ADAMTSL3: variants seen among roughly 807,000 people sequenced by gnomAD.
ADAMTSL3 encodes ADAMTS like 3, also known as ADAMTS-like protein 3.
ADAMTSL3 carries 128 observed loss-of-function variants against 201.7 expected under a neutral mutation model. The observed-to-expected ratio is 0.63, with a 90% confidence interval of 0.55 to 0.73. ADAMTSL3 has a LOEUF of 0.73. Ranked by LOEUF, ADAMTSL3 falls within the 30% of genes least tolerant of loss-of-function variation. The pLI is 0.00. For synonymous variants in ADAMTSL3, 738 were observed against 748.4 expected (o/e 0.99, Z 0.23); for missense variants, 1,990 against 2,119.6 (o/e 0.94, Z 1.20).
At chr15:83,759,035 C>G (rs1181875533) in intron 3 of ADAMTSL3, among the ~76,000 whole-genome samples, 1 of 152,142 alleles carries the variant, frequency 6.6e-6, no homozygotes, top group African/African-American at 2.4e-5. Flanking sequence ...GTGGAGAAGG[C>G]AGACCTTTCC....
At chr15:83,711,915 G>A (rs1302808176) in intron 3 of ADAMTSL3, among the ~76,000 whole-genome samples, 1 of 148,800 alleles carries the variant, frequency 6.7e-6, no homozygotes, top group East Asian at 2.1e-4. Context: ...CACCCTATGG[G>A]TTAAGGGGTG....
chr15:84,001,645 C>T (rs1172438852), intron 23 of ADAMTSL3, among the ~76,000 whole-genome samples: 1 of 152,194 alleles, frequency 6.6e-6, no homozygotes, highest in African/African-American at 2.4e-5. Context: ...AGGTGTGAGG[C>T]AGAACCTAGG....
intron 7 of ADAMTSL3, among the ~76,000 whole-genome samples, chr15:83,844,339 T>A (rs953353754): frequency 6.6e-6 from 1 of 152,106 alleles, no homozygotes; most frequent in African/African-American, 2.4e-5. Context: ...TTCTTAAGAT[T>A]TTTTCCCTTC....
In ADAMTSL3 at chr15:83,804,642, TCC is replaced by T; in HGVS notation, c.318-7_318-6del. On this transcript the variant is annotated splice_polypyrimidine_tract_variant and splice_region_variant and intron_variant, in intron 4 of 29. Transcript: ENST00000286744. ...TATTTCTTCTTTCTTCTTTCTTTTTTCCTTTAGGAATTGTGAAGGGCAGAACA... is the reference window on the plus strand; with the variant it reads ...TATTTCTTCTTTCTTCTTTCTTTTTTTTTAGGAATTGTGAAGGGCAGAACA... 6.5e-7 allele frequency: 1 copy of T among 1,547,564 alleles called. No homozygotes were observed. The highest frequency in any genetic ancestry group is 8.8e-7 in the Non-Finnish European group (1 of 1,139,586).
At chr15:84,019,210 T>C (rs553872579) in intron 25 of ADAMTSL3, among the ~76,000 whole-genome samples, 116 of 152,154 alleles carry the variant, frequency 7.6e-4, no homozygotes, top group Admixed American at 2.0e-3. Flanking sequence ...TACAATTTCA[T>C]ACCCAGTAGG....
At chr15:83,767,636 C>T (rs2062915300) in intron 3 of ADAMTSL3, among the ~76,000 whole-genome samples, 1 of 152,176 alleles carries the variant, frequency 6.6e-6, no homozygotes, top group Non-Finnish European at 1.5e-5. Context: ...CATACCGCTT[C>T]TCTCAGGAGG....
chr15:83,698,741 C>T (rs1227966469), intron 2 of ADAMTSL3, among the ~76,000 whole-genome samples: 1 of 152,184 alleles, frequency 6.6e-6, no homozygotes, highest in Non-Finnish European at 1.5e-5. Context: ...GCCATTTCTC[C>T]TAAGGGAAGG....
chr15:83,831,461 A>C (rs2064155977), intron 6 of ADAMTSL3, among the ~76,000 whole-genome samples: 1 of 152,234 alleles, frequency 6.6e-6, no homozygotes, highest in East Asian at 1.9e-4. Flanking sequence ...TCAAGATCAG[A>C]GATACTTGGA....
chr15:83,986,232 G>T (rs949079526), intron 21 of ADAMTSL3, among the ~76,000 whole-genome samples: 22 of 152,170 alleles, frequency 1.4e-4, no homozygotes, highest in Admixed American at 1.2e-3. Context: ...TTTATAAATT[G>T]TAAGGAAAGA....
chr15:84,034,590 G>A (rs1218531157), intron 28 of ADAMTSL3, among the ~76,000 whole-genome samples: 1 of 152,164 alleles, frequency 6.6e-6, no homozygotes, highest in African/African-American at 2.4e-5. Flanking sequence ...TCTAACTTCT[G>A]AAATCAGAAT....
intron 11 of ADAMTSL3, 97 bp downstream of exon 11, chr15:83,890,344 C>G: frequency 6.8e-7 from 1 of 1,470,202 alleles, no homozygotes; most frequent in Non-Finnish European, 9.1e-7. Flanking sequence ...ATTTCCATTT[C>G]CTGGCTTTGT....
intron 10 of ADAMTSL3, among the ~76,000 whole-genome samples, chr15:83,889,499 A>G (rs2065462389): frequency 6.6e-6 from 1 of 152,246 alleles, no homozygotes; most frequent in Admixed American, 6.5e-5. Flanking sequence ...ATTATCATTT[A>G]TTAAGTTAAA....
intron 19 of ADAMTSL3, among the ~76,000 whole-genome samples, chr15:83,949,033 T>C (rs1272104809): frequency 6.6e-6 from 1 of 152,158 alleles, no homozygotes; most frequent in Non-Finnish European, 1.5e-5. Context: ...ATTATTTTAA[T>C]TATTTTAAAA....
In ADAMTSL3 at chr15:83,942,801, G is replaced by A. The variant is rs1363193154; in HGVS notation, c.2310+13G>A. 1 of 1,611,420 alleles carries A rather than the reference G, an allele frequency of 6.2e-7. No individual in the cohort carries two copies. Among genetic ancestry groups the A allele is most frequent in the Admixed American group, 1.7e-5 (1 of 59,704 alleles). On this transcript the variant is annotated intron_variant, in intron 18 of 29. Transcript: ENST00000286744. ...AGAATGGCAGCAGGTAGGGCAGACT[G>A]GCCACTCCAGGGCCCTCTGTGATTA...
chr15:83,774,311 G>A (rs1364744645), intron 4 of ADAMTSL3, among the ~76,000 whole-genome samples: 1 of 152,248 alleles, frequency 6.6e-6, no homozygotes, highest in African/African-American at 2.4e-5. Context: ...GTCATCTTCA[G>A]ATTTGGGATA....
chr15:83,681,044 A>G (rs1009656397), intron 2 of ADAMTSL3, among the ~76,000 whole-genome samples: 2 of 152,224 alleles, frequency 1.3e-5, no homozygotes, highest in Non-Finnish European at 2.9e-5. Flanking sequence ...CATATTCTTC[A>G]ATAAGCATTT....
chr15:83,745,700 G>A (rs1029454109), intron 3 of ADAMTSL3, among the ~76,000 whole-genome samples: 2 of 152,194 alleles, frequency 1.3e-5, no homozygotes, highest in African/African-American at 2.4e-5. Flanking sequence ...GTTCCCAGTC[G>A]AGAAGGGGGT....
intron 5 of ADAMTSL3, among the ~76,000 whole-genome samples, chr15:83,818,929 C>T (rs1310888060): frequency 1.3e-5 from 2 of 152,036 alleles, no homozygotes; most frequent in Non-Finnish European, 2.9e-5. Flanking sequence ...GTACTTGGTA[C>T]CAGTGAAGAG....
chr15:83,740,607 C>T (rs910421297), intron 3 of ADAMTSL3, among the ~76,000 whole-genome samples: 3 of 151,998 alleles, frequency 2.0e-5, no homozygotes, highest in East Asian at 1.9e-4. Flanking sequence ...ATAACACAAA[C>T]GGACATAAAG....
Sources: gnomAD v4.1 joint callset for allele counts (sites outside exome capture counted in the v4.1 genomes callset) on GRCh38, gnomAD v4.1.1 for gene constraint, MANE v1.5 for transcripts, NCBI Gene and HGNC (gene_info 2026-07-23, HGNC 2026-07-21) for gene names.